The following PRKN variants were observed in gnomAD, a reference collection of about 807,000 sequenced individuals.
The protein encoded by PRKN is parkin RBR E3 ubiquitin protein ligase, also known as E3 ubiquitin-protein ligase parkin.
A neutral mutation model predicts 59.5 loss-of-function variants in PRKN; 56 were observed. The ratio of observed to expected loss-of-function variants is 0.94; its 90% CI spans 0.76 to 1.18. PRKN has a LOEUF of 1.18. Ranked by LOEUF, PRKN falls within the 50% of genes most tolerant of loss-of-function variation. The pLI is 0.00. For synonymous variants in PRKN, 250 were observed against 222.1 expected, an observed-to-expected ratio of 1.13 and a Z score of -1.12; for missense variants, 657 against 596.4, an observed-to-expected ratio of 1.10 and a Z score of -1.06.
At chr6:161,794,088 G>T (rs1298840548) in intron 6 of PRKN, among the ~76,000 whole-genome samples, 1 of 152,046 alleles carries the variant, frequency 6.6e-6, no homozygotes, top group African/African-American at 2.4e-5. Flanking sequence ...GCATCTCGTG[G>T]CATTGGCTTG....
At chr6:162,475,772 C>T (rs557646668) in intron 1 of PRKN, among the ~76,000 whole-genome samples, 9 of 152,360 alleles carry the variant, frequency 5.9e-5, no homozygotes, top group South Asian at 2.1e-4. Flanking sequence ...TATTTTGAGA[C>T]GGAGTCTCGC....
intron 1 of PRKN, among the ~76,000 whole-genome samples, chr6:162,464,537 C>T (rs373705158): frequency 6.6e-5 from 10 of 151,656 alleles, no homozygotes; most frequent in Admixed American, 4.6e-4. Flanking sequence ...TACAAATGGC[C>T]GGGCGCAGTG....
intron 2 of PRKN, among the ~76,000 whole-genome samples, chr6:162,287,240 G>A (rs551324210): frequency 6.6e-6 from 1 of 152,286 alleles, no homozygotes; most frequent in South Asian, 2.1e-4. Flanking sequence ...TGATTTGTCT[G>A]TGAGGAAAAG....
At chr6:161,516,420 T>C (rs954205908) in intron 9 of PRKN, among the ~76,000 whole-genome samples, 45 of 128,514 alleles carry the variant, frequency 3.5e-4, no homozygotes, top group Non-Finnish European at 5.9e-4. Flanking sequence ...TGAGCCAAGA[T>C]TGCACCACTG....
chr6:162,287,412 AT>A (rs915616803), intron 2 of PRKN, among the ~76,000 whole-genome samples: 8 of 152,118 alleles, frequency 5.3e-5, no homozygotes, highest in Non-Finnish European at 1.0e-4. Context: ...ACAAAAAAAT[AT>A]AAAAATCAGC....
At chr6:162,425,765 A>T (rs1277322499) in intron 2 of PRKN, among the ~76,000 whole-genome samples, 2 of 152,226 alleles carry the variant, frequency 1.3e-5, no homozygotes, top group Non-Finnish European at 2.9e-5. Flanking sequence ...AAAGTCCAAC[A>T]TATAATGAAC....
intron 7 of PRKN, among the ~76,000 whole-genome samples, chr6:161,723,610 G>A (rs573573196): frequency 6.6e-6 from 1 of 152,238 alleles, no homozygotes; most frequent in South Asian, 2.1e-4. Flanking sequence ...AAGAAAGACA[G>A]ACACTTTCTT....
chr6:161,782,429 A>T (rs1395811079), intron 7 of PRKN, among the ~76,000 whole-genome samples: 2 of 151,990 alleles, frequency 1.3e-5, no homozygotes, highest in Admixed American at 6.6e-5. Context: ...ATAAACGTTT[A>T]CCTTTGGGAG....
intron 2 of PRKN, among the ~76,000 whole-genome samples, chr6:162,418,943 C>T (rs889804097): frequency 3.3e-5 from 5 of 151,732 alleles, no homozygotes; most frequent in African/African-American, 4.8e-5. Flanking sequence ...CCAGTCCCAC[C>T]CCCCAACCCT....
At chr6:161,368,638 C>A (rs1194637988) in intron 10 of PRKN, among the ~76,000 whole-genome samples, 1 of 151,448 alleles carries the variant, frequency 6.6e-6, no homozygotes, top group Non-Finnish European at 1.5e-5. Flanking sequence ...CCCAGCCCCC[C>A]TCCCCTCACT....
At chr6:162,004,532 T>C (rs1562451053) in intron 5 of PRKN, among the ~76,000 whole-genome samples, 1 of 152,340 alleles carries the variant, frequency 6.6e-6, no homozygotes, top group East Asian at 1.9e-4. Flanking sequence ...TGCTTAATTA[T>C]TTGCTTGAAG....
rs1218039597 is a variant in PRKN at position 161,466,983 on chromosome 6, C to T, written c.1084-80106G>A. Reference sequence around the variant, plus strand: ...TGAAATCTCATCAAGAGGTTCCTGTCTAGATTCGCGTCCTTATATACAAGC... The same window carrying T: ...TGAAATCTCATCAAGAGGTTCCTGTTTAGATTCGCGTCCTTATATACAAGC... On this transcript the variant is annotated intron_variant, in intron 9 of 11. Transcript: ENST00000366898. The surrounding 1 kb of genome is among the most constrained non-coding windows in gnomAD (Gnocchi z 5.0). 6.6e-6 allele frequency among the ~76,000 whole-genome samples: 1 copy of T among 152,190 alleles called. No homozygotes were observed. Among genetic ancestry groups the T allele is most frequent in the South Asian group, 2.1e-4 (1 of 4,828 alleles).
intron 1 of PRKN, among the ~76,000 whole-genome samples, chr6:162,594,386 TATG>T (rs1781420296): frequency 6.6e-6 from 1 of 152,204 alleles, no homozygotes; most frequent in African/African-American, 2.4e-5. Context: ...CAATTCATGA[TATG>T]ATATCCACTA....
intron 7 of PRKN, among the ~76,000 whole-genome samples, chr6:161,693,494 G>A (rs775681498): frequency 2.0e-5 from 3 of 152,176 alleles, no homozygotes; most frequent in Non-Finnish European, 2.9e-5. Flanking sequence ...CCAAAATTAT[G>A]TGTCTCTGCT....
chr6:161,658,748 A>G (rs1427704510), intron 7 of PRKN, among the ~76,000 whole-genome samples: 1 of 152,242 alleles, frequency 6.6e-6, no homozygotes. Flanking sequence ...GCGATATTCT[A>G]TGATACTCAC....
chr6:162,284,134 G>A (rs951326612), intron 2 of PRKN, among the ~76,000 whole-genome samples: 5 of 151,730 alleles, frequency 3.3e-5, no homozygotes, highest in Non-Finnish European at 7.4e-5. Flanking sequence ...GCTTTCATGG[G>A]CCCAGGATCC....
chr6:162,515,841 A>G (rs1777830093), intron 1 of PRKN, among the ~76,000 whole-genome samples: 1 of 152,192 alleles, frequency 6.6e-6, no homozygotes, highest in Non-Finnish European at 1.5e-5. Context: ...TTTCTTCCTG[A>G]AAAGTACTAG....
intron 6 of PRKN, among the ~76,000 whole-genome samples, chr6:161,842,698 G>A (rs1257919620): frequency 6.6e-6 from 1 of 152,056 alleles, no homozygotes; most frequent in African/African-American, 2.4e-5. Context: ...ACAAGTAGGT[G>A]GGATTACAGG....
At chr6:161,869,586 T>A (rs1316324671) in intron 6 of PRKN, among the ~76,000 whole-genome samples, 1 of 152,150 alleles carries the variant, frequency 6.6e-6, no homozygotes, top group Non-Finnish European at 1.5e-5. Context: ...AGAAGCCACA[T>A]CACCCCGCTT....
Sources: gnomAD v4.1 joint callset for allele counts (sites outside exome capture counted in the v4.1 genomes callset) on GRCh38, gnomAD v4.1.1 for gene constraint, Gnocchi (gnomAD v3.1) non-coding constraint, MANE v1.5 for transcripts, NCBI Gene and HGNC (gene_info 2026-07-23, HGNC 2026-07-21) for gene names.